The following WDSUB1 variants were observed in gnomAD, a reference collection of about 807,000 sequenced individuals.
The protein encoded by WDSUB1 is WD repeat, sterile alpha motif and U-box domain containing 1.
WDSUB1 carries 49 observed loss-of-function variants against 53.9 expected under a neutral mutation model. The observed-to-expected ratio is 0.91, with a 90% CI of 0.72 to 1.15. WDSUB1 has a LOEUF of 1.15. WDSUB1 is among the 50% of genes most tolerant of loss of function. WDSUB1 has a pLI of 0.00. For missense variants in WDSUB1, 514 were observed against 562.0 expected, an observed-to-expected ratio of 0.91 and a Z score of 0.86; for synonymous variants, 194 against 200.6, an observed-to-expected ratio of 0.97 and a Z score of 0.28.
chr2:159,282,268 C>T (rs2061681762), intron 2 of WDSUB1, among the ~76,000 whole-genome samples: 1 of 151,708 alleles, frequency 6.6e-6, no homozygotes. Context: ...TCTCGGCTCA[C>T]TGCAAGCTCC....
intron 10 of WDSUB1, among the ~76,000 whole-genome samples, chr2:159,244,617 G>A (rs1453659014): frequency 6.6e-6 from 1 of 152,094 alleles, no homozygotes; most frequent in Admixed American, 6.5e-5. Flanking sequence ...TGCTCAAATT[G>A]TACAGTTATA....
rs2061152766 is a variant in WDSUB1, at chr2:159,259,922, AT to A, written c.771-80del. ...TTTATGTAATTAGTATTTTTAAGTA[AT>A]TTTAGTAACTTTTCTAGAAAAGACA... On this transcript the variant is annotated intron_variant, in intron 5 of 10. Transcript: ENST00000359774. 8 of 1,325,880 alleles carry A rather than the reference AT, an allele frequency of 6.0e-6. No individual in the cohort carries two copies. In the East Asian group the frequency reaches 2.1e-4, roughly 35 times the overall value. The allele number at this position is 1,325,880 out of a possible 1,614,324, so 82.1% of individuals were successfully genotyped here. A position where few individuals can be genotyped will look rare whatever the true frequency, so the allele number is the denominator to read the frequency against.
intron 10 of WDSUB1, among the ~76,000 whole-genome samples, chr2:159,238,779 C>A (rs1013564853): frequency 6.7e-6 from 1 of 149,268 alleles, no homozygotes; most frequent in Non-Finnish European, 1.5e-5. Context: ...TTTTGCTGTT[C>A]TTGTTTATTA....
intron 9 of WDSUB1, among the ~76,000 whole-genome samples, chr2:159,249,905 A>AAAAT (rs1218128708): frequency 1.6e-5 from 2 of 122,348 alleles, no homozygotes; most frequent in Non-Finnish European, 4.0e-5. Context: ...ATCTCTATTA[A>AAAAT]AAATACAAAA....
rs774819964 is a variant in WDSUB1 at position 159,279,898 on chromosome 2, G to A, written c.446C>T (p.Pro149Leu). 1.2e-6 allele frequency: 2 copies of A among 1,612,104 alleles called. No homozygotes were observed. The highest frequency in any genetic ancestry group is 1.7e-6 in the Non-Finnish European group (2 of 1,178,604). Residue 149 changes from proline to leucine, a missense_variant, in exon 3 of 11, where the codon CCT becomes CTT. Transcript: ENST00000359774. Reference sequence around the variant, plus strand: ...GCCAGTGACAAAGAAGCTTCCATTAGGAGAAAATGCACATGCCGCCAAGGA... The same window carrying A: ...GCCAGTGACAAAGAAGCTTCCATTAAGAGAAAATGCACATGCCGCCAAGGA... ...DGSLAACAFS[P>L]NGSFFVTGSS...
chr2:159,249,178 A>T (rs1482413560), intron 9 of WDSUB1, among the ~76,000 whole-genome samples: 1 of 152,200 alleles, frequency 6.6e-6, no homozygotes, highest in Non-Finnish European at 1.5e-5. Context: ...ATTTTTAAAT[A>T]TGTTTGAGTT....
In WDSUB1 at chr2:159,242,521, G is replaced by T. The variant is rs539653667; in HGVS notation, c.1273+5851C>A. 2.0e-5 allele frequency among the ~76,000 whole-genome samples: 3 copies of T among 147,464 alleles called. 1 individual carries two copies. In the East Asian group the frequency reaches 6.5e-4, roughly 32 times the overall value. ...ACTAAAAATACAAAAAATTAGCTGG[G>T]TGTGGTGGCACATGCCTGTAATCCC... On this transcript the variant is annotated intron_variant, in intron 10 of 10. Coordinates refer to ENST00000359774, the MANE Select transcript of WDSUB1 (RefSeq NM_001128212.3).
intron 5 of WDSUB1, among the ~76,000 whole-genome samples, chr2:159,262,702 A>C (rs1240753330): frequency 6.6e-6 from 1 of 152,246 alleles, no homozygotes; most frequent in Non-Finnish European, 1.5e-5. Flanking sequence ...GAAAAATAAC[A>C]GAAGTTTTCA....
chr2:159,272,456 T>C (rs1304548459), intron 4 of WDSUB1, among the ~76,000 whole-genome samples: 2 of 152,164 alleles, frequency 1.3e-5, no homozygotes, highest in Non-Finnish European at 2.9e-5. Flanking sequence ...GGGGGATTTG[T>C]CAAATTATGC....
chr2:159,258,763 T>C (rs2061125194), intron 6 of WDSUB1, among the ~76,000 whole-genome samples: 1 of 152,180 alleles, frequency 6.6e-6, no homozygotes, highest in African/African-American at 2.4e-5. Context: ...AGAGACAATT[T>C]AGTGTTATAA....
intron 9 of WDSUB1, among the ~76,000 whole-genome samples, chr2:159,254,655 T>A (rs903518378): frequency 1.3e-5 from 2 of 152,248 alleles, no homozygotes; most frequent in Non-Finnish European, 2.9e-5. Flanking sequence ...TCAAACATCC[T>A]TTGTTGAATC....
intron 9 of WDSUB1, among the ~76,000 whole-genome samples, chr2:159,249,528 G>A (rs942120768): frequency 1.3e-5 from 2 of 152,126 alleles, no homozygotes; most frequent in African/African-American, 4.8e-5. Context: ...TGCTCCATGA[G>A]GTTTATACAT....
Position 159,257,999 on chromosome 2 carries a change from A to C in WDSUB1, c.805-14T>G, listed in dbSNP as rs752369848. The C allele has an allele frequency of 6.2e-7, 1 of 1,611,240 alleles. No individual in the cohort carries two copies. The highest frequency in any genetic ancestry group is 8.5e-7 in the Non-Finnish European group (1 of 1,179,028). The stretch of plus-strand genomic sequence containing the variant: ...ATTCTCAGTATTCTGAAAAACAATA[A>C]AAACAGCTTTAAATTTACTCAAGTA... On this transcript the variant is annotated splice_polypyrimidine_tract_variant and intron_variant, in intron 6 of 10. Coordinates refer to ENST00000359774, the MANE Select transcript of WDSUB1 (RefSeq NM_001128212.3).
intron 2 of WDSUB1, among the ~76,000 whole-genome samples, chr2:159,280,655 C>T (rs1355291741): frequency 8.2e-6 from 1 of 121,478 alleles, no homozygotes; most frequent in Non-Finnish European, 1.6e-5. Context: ...CCCGCCACTG[C>T]ACTCCAGCCT....
rs189774076 is a variant in WDSUB1 at position 159,286,106 on chromosome 2, C to T, written c.-25+477G>A. Among the ~76,000 whole-genome samples, 18 of 152,174 alleles carry T rather than the reference C, an allele frequency of 1.2e-4. No homozygotes were observed. In the East Asian group the frequency reaches 3.5e-3, roughly 30 times the overall value. On this transcript the variant is annotated intron_variant, in intron 1 of 10. Coordinates refer to ENST00000359774, the MANE Select transcript of WDSUB1 (RefSeq NM_001128212.3). ...CTTGGGGTAGGGGGGGCGGTGTGGG[C>T]GTTCCCTCGGGCCTCGGCTGTCACG...
At chr2:159,283,145 C>T in intron 1 of WDSUB1, 52 bp from the exon 2 acceptor site, 2 of 1,466,836 alleles carry the variant, frequency 1.4e-6, no homozygotes, top group South Asian at 1.3e-5. Flanking sequence ...CAGATACATG[C>T]AATTTGAGTC....
intron 9 of WDSUB1, among the ~76,000 whole-genome samples, chr2:159,249,181 T>C (rs996065836): frequency 2.0e-5 from 3 of 152,190 alleles, no homozygotes; most frequent in Non-Finnish European, 4.4e-5. Flanking sequence ...TTTAAATATG[T>C]TTGAGTTCAA....
chr2:159,260,837 A>C (rs2061173138), intron 5 of WDSUB1, among the ~76,000 whole-genome samples: 1 of 152,198 alleles, frequency 6.6e-6, no homozygotes, highest in South Asian at 2.1e-4. Context: ...TCTGCAATAC[A>C]AGTGGTACCA....
intron 9 of WDSUB1, among the ~76,000 whole-genome samples, chr2:159,249,410 C>G (rs1575442245): frequency 1.3e-5 from 2 of 152,128 alleles, no homozygotes; most frequent in East Asian, 3.9e-4. Context: ...ACTTTTAGAA[C>G]TAGTTGACAG....
Sources: gnomAD v4.1 joint callset for allele counts (sites outside exome capture counted in the v4.1 genomes callset) on GRCh38, gnomAD v4.1.1 for gene constraint, MANE v1.5 for transcripts, NCBI Gene and HGNC (gene_info 2026-07-23, HGNC 2026-07-21) for gene names.